Variants in MAF observed in about 807,000 individuals in gnomAD.
The protein encoded by MAF is transcription factor Maf.
In MAF, 10 loss-of-function variants were observed where a neutral mutation model predicts 22.0. The ratio of observed to expected loss-of-function variants is 0.45; its 90% CI spans 0.28 to 0.77. The LOEUF (loss-of-function observed/expected upper bound fraction) is 0.77, where lower values mean the gene tolerates loss of function less well. Ranked by LOEUF, MAF falls within the 30% of genes least tolerant of loss-of-function variation. The probability of loss-of-function intolerance (pLI) is 0.12; values close to 1 mark genes in which losing one functional copy is unlikely to be tolerated. For missense variants in MAF, 544 were observed against 548.4 expected (o/e 0.99, Z 0.08); for synonymous variants, 337 against 255.8 (o/e 1.32, Z -3.03).
chr16:79,470,671 A>G, the MAF span, among the ~76,000 whole-genome samples: 2 of 152,196 alleles, frequency 1.3e-5, no homozygotes, highest in South Asian at 2.1e-4. Flanking sequence ...CTGAGACTTA[A>G]AGAGTTTAAG....
the MAF span, among the ~76,000 whole-genome samples, chr16:79,375,654 C>A: frequency 6.6e-6 from 1 of 152,076 alleles, no homozygotes; most frequent in African/African-American, 2.4e-5. Context: ...ACATCCCAGG[C>A]ACTTCCCTGG....
chr16:79,421,638 A>ATTTTTTTTTTTTTT, the MAF span, among the ~76,000 whole-genome samples: 1 of 144,782 alleles, frequency 6.9e-6, no homozygotes, highest in Non-Finnish European at 1.5e-5. Context: ...AAGAAAAGTG[A>ATTTTTTTTTTTTTT]TTTTTTTTTT....
chr16:79,216,674 T>C, the MAF span, among the ~76,000 whole-genome samples: 2 of 152,188 alleles, frequency 1.3e-5, no homozygotes, highest in Non-Finnish European at 1.5e-5. Context: ...GTGTATTAAA[T>C]GCATTTTTGA....
At chr16:79,232,673 C>T in the MAF span, among the ~76,000 whole-genome samples, 1 of 151,908 alleles carries the variant, frequency 6.6e-6, no homozygotes, top group African/African-American at 2.4e-5. Context: ...AGTCAATTCG[C>T]ATCTGGGGTT....
At chr16:79,514,486 G>C in the MAF span, among the ~76,000 whole-genome samples, 1 of 152,172 alleles carries the variant, frequency 6.6e-6, no homozygotes, top group Non-Finnish European at 1.5e-5. Flanking sequence ...CAAATTCCTT[G>C]TCAGTTGAGA....
the MAF span, among the ~76,000 whole-genome samples, chr16:79,485,331 C>T: frequency 1.3e-5 from 2 of 152,232 alleles, no homozygotes; most frequent in South Asian, 4.1e-4. Flanking sequence ...AGTCATACGA[C>T]AGCGATTGGC....
At chr16:79,423,132 G>C in the MAF span, among the ~76,000 whole-genome samples, 2 of 152,188 alleles carry the variant, frequency 1.3e-5, no homozygotes, top group African/African-American at 4.8e-5. Context: ...TAACGTGCAC[G>C]TGAGCAACAT....
At chr16:79,326,000 C>G in the MAF span, among the ~76,000 whole-genome samples, 1 of 152,218 alleles carries the variant, frequency 6.6e-6, no homozygotes, top group Non-Finnish European at 1.5e-5. Flanking sequence ...CCTGCAAGAT[C>G]TTGCTTCTGA....
the MAF span, among the ~76,000 whole-genome samples, chr16:79,531,169 A>G: frequency 1.3e-3 from 197 of 152,342 alleles, 1 homozygote; most frequent in African/African-American, 4.1e-3. Context: ...AGCTTGTATA[A>G]GCATACCCTT....
the MAF span, among the ~76,000 whole-genome samples, chr16:79,544,529 C>G: frequency 2.6e-5 from 4 of 152,090 alleles, no homozygotes; most frequent in Admixed American, 6.6e-5. Flanking sequence ...AACCCCAGCA[C>G]TTTGAGAGAC....
the MAF span, among the ~76,000 whole-genome samples, chr16:79,405,130 A>C: frequency 2.6e-5 from 4 of 152,190 alleles, no homozygotes; most frequent in Non-Finnish European, 5.9e-5. Context: ...GTATGGCAGT[A>C]AATCCATGTC....
chr16:79,598,117 C>G (rs1490843800), intron 1 of MAF: 151 of 1,043,294 alleles, frequency 1.4e-4, no homozygotes, highest in Non-Finnish European at 1.7e-4. Flanking sequence ...TTTTCCTTTG[C>G]AAGCTCAATC....
chr16:79,329,568 A>C, the MAF span, among the ~76,000 whole-genome samples: 3 of 152,154 alleles, frequency 2.0e-5, no homozygotes, highest in African/African-American at 7.2e-5. Flanking sequence ...TTAAGCAACA[A>C]AGTGGAAAAA....
chr16:79,547,409 A>G, the MAF span, among the ~76,000 whole-genome samples: 2 of 152,072 alleles, frequency 1.3e-5, no homozygotes, highest in African/African-American at 4.8e-5. Flanking sequence ...CACACATACA[A>G]TCAGTTAATT....
chr16:79,398,025 C>T, the MAF span, among the ~76,000 whole-genome samples: 9 of 152,340 alleles, frequency 5.9e-5, no homozygotes, highest in African/African-American at 1.9e-4. Flanking sequence ...ACCTGGGTCT[C>T]GCTAGGCTAA....
the MAF span, among the ~76,000 whole-genome samples, chr16:79,522,742 G>T: frequency 1.3e-5 from 2 of 152,206 alleles, no homozygotes; most frequent in Non-Finnish European, 2.9e-5. Flanking sequence ...TCAATCCAAC[G>T]ATGGCTTGCT....
chr16:79,390,136 A>G, the MAF span, among the ~76,000 whole-genome samples: 7 of 151,954 alleles, frequency 4.6e-5, no homozygotes, highest in Admixed American at 4.6e-4. Context: ...TGTATTCCCA[A>G]GTCTGGGGGT....
chr16:79,484,654 C>T, the MAF span, among the ~76,000 whole-genome samples: 3 of 152,162 alleles, frequency 2.0e-5, no homozygotes, highest in Non-Finnish European at 4.4e-5. Flanking sequence ...TATGATACCC[C>T]TCGTTGGTCC....
the MAF span, among the ~76,000 whole-genome samples, chr16:79,309,459 T>TA: frequency 1.3e-5 from 2 of 152,212 alleles, no homozygotes; most frequent in East Asian, 3.8e-4. Context: ...AGTGAGAACT[T>TA]ACGTTTTCAT....
Sources: allele counts gnomAD v4.1 joint callset (sites outside exome capture counted in the v4.1 genomes callset), GRCh38; gene constraint gnomAD v4.1.1; transcripts MANE v1.5; gene names NCBI Gene and HGNC (gene_info 2026-07-23, HGNC 2026-07-21).